IQANK1: variants seen among roughly 807,000 people sequenced by gnomAD.
IQANK1 encodes IQ motif and ankyrin repeat domain-containing protein 1.
IQANK1 carries 30 observed loss-of-function variants against 22.6 expected under a neutral mutation model. The observed-to-expected ratio is 1.33, with a 90% CI of 0.99 to 1.80. IQANK1 has a LOEUF of 1.80. Ranked by LOEUF, IQANK1 falls within the 40% of genes most tolerant of loss-of-function variation. The pLI, the probability that IQANK1 is intolerant of heterozygous loss-of-function variation, is 0.00. For missense variants in IQANK1, 275 were observed against 235.2 expected, an observed-to-expected ratio of 1.17 and a Z score of -1.11; for synonymous variants, 122 against 99.6, an observed-to-expected ratio of 1.23 and a Z score of -1.34.
chr8:143,759,046 T>C lies in IQANK1; in HGVS notation c.176-12442T>C, dbSNP rs551760246. 6 of 234,106 alleles carry C rather than the reference T, an allele frequency of 2.6e-5. No individual in the cohort carries two copies. The South Asian group carries it at 3.6e-4, about 14-fold the overall frequency. 14.5% of individuals were successfully genotyped at this position (234,106 alleles called of 1,614,324 possible). ...CGCAATGGGGTCCCAATCGGTGGGATGAGGCCCTGGGATGAGGTCCTGCAT... is the reference window on the plus strand; with the variant it reads ...CGCAATGGGGTCCCAATCGGTGGGACGAGGCCCTGGGATGAGGTCCTGCAT... On this transcript the variant is annotated intron_variant, in intron 3 of 13. Transcript: ENST00000527139.
intron 3 of IQANK1, among the ~76,000 whole-genome samples, chr8:143,766,657 C>A (rs6999943): frequency 6.6e-6 from 1 of 151,326 alleles, no homozygotes; most frequent in Non-Finnish European, 1.5e-5. Flanking sequence ...CGTGACGGTG[C>A]GAGATTCTGT....
chr8:143,742,733 C>T, intron 3 of IQANK1: 1 of 456,018 alleles, frequency 2.2e-6, no homozygotes, highest in Non-Finnish European at 4.4e-6. Flanking sequence ...ACACAACCAC[C>T]CTACCTCCTG....
intron 3 of IQANK1, among the ~76,000 whole-genome samples, 154 bp downstream of exon 3, chr8:143,740,102 G>A (rs1266197671): frequency 6.6e-6 from 1 of 152,090 alleles, no homozygotes; most frequent in African/African-American, 2.4e-5. Flanking sequence ...GCGTGTACGC[G>A]CACCTGTGAG....
Position 143,742,185 on chromosome 8 carries a change from G to T in IQANK1, c.175+2237G>T, listed in dbSNP as rs1330280383. 4 of 359,692 alleles carry T rather than the reference G, an allele frequency of 1.1e-5. No homozygotes were observed. The East Asian group carries it at 3.0e-4, about 27-fold the overall frequency. The allele number at this position is 359,692 out of a possible 1,614,324, so 22.3% of individuals were successfully genotyped here. ...AGCTGTCCGCATCACCACTGTCCCG[G>T]GCTCGTTCACTTCAGGCCCTGGAGA... On this transcript the variant is annotated intron_variant, in intron 3 of 13. Coordinates refer to ENST00000527139, the MANE Select transcript of IQANK1 (RefSeq NM_001381874.1).
At chr8:143,749,520 T>C (rs1256563539) in intron 3 of IQANK1, among the ~76,000 whole-genome samples, 1 of 134,170 alleles carries the variant, frequency 7.5e-6, no homozygotes, top group African/African-American at 2.7e-5. Context: ...TATAAAAATA[T>C]ATATCACATA....
rs1005182485 is a variant in IQANK1, at chr8:143,772,217, G to C, written c.637G>C (p.Glu213Gln). Residue 213 changes from glutamate (E) to glutamine (Q), a missense_variant, in exon 6 of 14, where the codon GAG becomes CAG. By Grantham distance (29) the Glu-to-Gln change is conservative. Coordinates refer to ENST00000527139, the MANE Select transcript of IQANK1 (RefSeq NM_001381874.1). Reference sequence around the variant, plus strand: ...GCCCCTGGCCATCCAGCTGCGGGCCGAGCTCGGCGCCAGCCCCAACAGCAA... The same window carrying C: ...GCCCCTGGCCATCCAGCTGCGGGCCCAGCTCGGCGCCAGCCCCAACAGCAA... Reference protein sequence around the residue: ...GQPLAIQLRAELGASPNSKGA... With the variant: ...GQPLAIQLRAQLGASPNSKGA... The C allele has an allele frequency of 1.5e-5, 6 of 394,896 alleles. No individual in the cohort carries two copies. In the East Asian group the frequency reaches 2.2e-4, roughly 14 times the overall value. 24.5% of individuals were successfully genotyped at this position (394,896 alleles called of 1,614,324 possible). A position where few individuals can be genotyped will look rare whatever the true frequency, so the allele number is the denominator to read the frequency against.
intron 3 of IQANK1, among the ~76,000 whole-genome samples, chr8:143,764,611 CAAACA>C (rs1459241307): frequency 1.3e-5 from 2 of 151,834 alleles, no homozygotes; most frequent in African/African-American, 2.4e-5. Context: ...CTAAAAAAAC[CAAACA>C]AAACAAAACT....
intron 3 of IQANK1, among the ~76,000 whole-genome samples, chr8:143,753,072 C>T (rs1310702297): frequency 7.4e-6 from 1 of 134,550 alleles, no homozygotes; most frequent in Non-Finnish European, 1.6e-5. Flanking sequence ...GGCACAGTCA[C>T]ATCTCACTGC....
At chr8:143,751,409 C>A (rs1554628009) in intron 3 of IQANK1, among the ~76,000 whole-genome samples, 1 of 151,706 alleles carries the variant, frequency 6.6e-6, no homozygotes, top group East Asian at 1.9e-4. Flanking sequence ...GTCAGGAGTT[C>A]AAGACCAACC....
chr8:143,769,129 C>T (rs1011986215), intron 3 of IQANK1, among the ~76,000 whole-genome samples: 1 of 151,790 alleles, frequency 6.6e-6, no homozygotes, highest in South Asian at 2.1e-4. Flanking sequence ...GTGGCATGAT[C>T]ATGGCTCACT....
intron 7 of IQANK1, among the ~76,000 whole-genome samples, chr8:143,787,106 T>C (rs1819904137): frequency 6.6e-6 from 1 of 152,236 alleles, no homozygotes; most frequent in African/African-American, 2.4e-5. Flanking sequence ...AAGGCTTTTG[T>C]AGCCCCAGGG....
At chr8:143,738,970 G>C (rs184902417) in intron 2 of IQANK1, among the ~76,000 whole-genome samples, 322 of 152,192 alleles carry the variant, frequency 2.1e-3, no homozygotes, top group Non-Finnish European at 3.9e-3. Flanking sequence ...GGCAGGGTTC[G>C]GGCCACTGCA....
intron 3 of IQANK1, chr8:143,742,865 T>A (rs4074642): frequency 2.2e-6 from 1 of 455,974 alleles, no homozygotes; most frequent in Non-Finnish European, 4.4e-6. Context: ...GTCACGGTGC[T>A]AAGGGGCCTG....
At chr8:143,761,750 C>A (rs879988483) in intron 3 of IQANK1, among the ~76,000 whole-genome samples, 1 of 151,842 alleles carries the variant, frequency 6.6e-6, no homozygotes, top group Non-Finnish European at 1.5e-5. Flanking sequence ...AAACATGGAG[C>A]CTTATAGCTA....
intron 7 of IQANK1, among the ~76,000 whole-genome samples, chr8:143,782,012 T>C (rs1194650535): frequency 1.3e-5 from 2 of 152,206 alleles, no homozygotes; most frequent in Admixed American, 6.5e-5. Flanking sequence ...ATAATTCTCA[T>C]TGTAGAGATC....
intron 3 of IQANK1, among the ~76,000 whole-genome samples, chr8:143,751,648 G>GTATATA (rs1819191369): frequency 3.8e-5 from 1 of 26,066 alleles, no homozygotes; most frequent in Non-Finnish European, 1.0e-4. Context: ...GTGTGTGTGT[G>GTATATA]TGTGTGTGTG....
chr8:143,751,411 A>C (rs1251528936), intron 3 of IQANK1, among the ~76,000 whole-genome samples: 7 of 151,974 alleles, frequency 4.6e-5, no homozygotes, highest in African/African-American at 7.2e-5. Context: ...CAGGAGTTCA[A>C]GACCAACCTG....
chr8:143,775,373 C>A (rs1819663231), intron 7 of IQANK1, among the ~76,000 whole-genome samples: 1 of 151,472 alleles, frequency 6.6e-6, no homozygotes, highest in Non-Finnish European at 1.5e-5. Flanking sequence ...CACACACACA[C>A]ACGAAAAATG....
chr8:143,779,584 T>C (rs1819756952), intron 7 of IQANK1, among the ~76,000 whole-genome samples: 1 of 152,240 alleles, frequency 6.6e-6, no homozygotes. Flanking sequence ...TCATTCATCA[T>C]TTATTGCCTA....
Sources: gnomAD v4.1 joint callset for allele counts (sites outside exome capture counted in the v4.1 genomes callset) on GRCh38, gnomAD v4.1.1 for gene constraint, MANE v1.5 for transcripts, NCBI Gene and HGNC (gene_info 2026-07-23, HGNC 2026-07-21) for gene names.